The following ATP9A variants were observed in gnomAD, a reference collection of about 807,000 sequenced individuals.
The protein encoded by ATP9A is ATPase phospholipid transporting 9A, also known as probable phospholipid-transporting ATPase IIA.
In ATP9A, 52 loss-of-function variants were observed where a neutral mutation model predicts 144.1. The ratio of observed to expected loss-of-function variants is 0.36; its 90% CI spans 0.29 to 0.45. The LOEUF (loss-of-function observed/expected upper bound fraction) is 0.45. Ranked by LOEUF, ATP9A falls within the 20% of genes least tolerant of loss-of-function variation. ATP9A has a pLI of 1.00. For missense variants in ATP9A, 947 were observed against 1,392.7 expected (o/e 0.68, Z 5.09); for synonymous variants, 582 against 557.4 (o/e 1.04, Z -0.62).
Position 51,638,071 on chromosome 20 carries a change from T to TTATATATATA in ATP9A, c.1668+1262_1668+1271dup, listed in dbSNP as rs56043552. 5.6e-3 allele frequency among the ~76,000 whole-genome samples: 190 copies of TTATATATATA among 33,988 alleles called. 6 individuals are homozygous for TTATATATATA. Among genetic ancestry groups the TTATATATATA allele is most frequent in the South Asian group, 9.7e-3 (7 of 720 alleles). The allele number at this position is 33,988 out of a possible 152,430, so 22.3% of individuals were successfully genotyped here. A position where few individuals can be genotyped will look rare whatever the true frequency, so the allele number is the denominator to read the frequency against. ...CATGGCTAAGTAGCATTTCATCATT[T>TTATATATATA]TATATATATATATATATATATATAT... is the stretch of plus-strand genomic sequence containing the variant. On this transcript the variant is annotated intron_variant, in intron 15 of 27. Coordinates refer to ENST00000338821, the MANE Select transcript of ATP9A (RefSeq NM_006045.3).
rs776548476 is a variant in ATP9A, at chr20:51,611,007, C to T, written c.2572-842G>A. ...AATCAGGCTTGAAGCTCTGTTAGCT[C>T]CATCTCTGGACCTCTATGGGCTAAC... On this transcript the variant is annotated intron_variant, in intron 23 of 27. Coordinates refer to ENST00000338821, the MANE Select transcript of ATP9A (RefSeq NM_006045.3). The surrounding 1 kb of genome is among the most constrained non-coding windows in gnomAD (Gnocchi z 4.2). 5.9e-5 allele frequency among the ~76,000 whole-genome samples: 9 copies of T among 152,152 alleles called. No individual in the cohort carries two copies. The highest frequency in any genetic ancestry group is 1.2e-4 in the Non-Finnish European group (8 of 68,030).
intron 1 of ATP9A, among the ~76,000 whole-genome samples, chr20:51,766,353 T>C (rs2077903646): frequency 6.6e-6 from 1 of 152,224 alleles, no homozygotes; most frequent in Admixed American, 6.5e-5. Flanking sequence ...AGGTCTTCTT[T>C]AATTCATCCT....
At chr20:51,655,131 AAT>A (rs2077381827) in intron 14 of ATP9A, among the ~76,000 whole-genome samples, 1 of 152,214 alleles carries the variant, frequency 6.6e-6, no homozygotes, top group Non-Finnish European at 1.5e-5. Flanking sequence ...CAATTATGAG[AAT>A]AGTTAGGATA....
intron 3 of ATP9A, among the ~76,000 whole-genome samples, chr20:51,714,569 T>C (rs985888715): frequency 2.0e-5 from 3 of 152,210 alleles, no homozygotes; most frequent in South Asian, 4.1e-4. Flanking sequence ...GGTTTCACCA[T>C]GTTGGCCAGG....
intron 1 of ATP9A, among the ~76,000 whole-genome samples, chr20:51,763,729 T>G (rs190295401): frequency 1.6e-4 from 25 of 152,294 alleles, no homozygotes; most frequent in Non-Finnish European, 2.6e-4. Flanking sequence ...TGATTCATAT[T>G]CAAAACTTCC....
At chr20:51,678,948 A>C (rs1427431965) in intron 9 of ATP9A, among the ~76,000 whole-genome samples, 2 of 152,126 alleles carry the variant, frequency 1.3e-5, no homozygotes, top group Non-Finnish European at 2.9e-5. Context: ...CACACACCGG[A>C]TGCGCCTTGG....
At chr20:51,622,270 G>T in intron 18 of ATP9A, 98 bp from the exon 19 acceptor site, 1 of 969,336 alleles carries the variant, frequency 1.0e-6, no homozygotes, top group Non-Finnish European at 1.6e-6. Flanking sequence ...GCTGAACTTG[G>T]TATGTTCCGT....
intron 1 of ATP9A, among the ~76,000 whole-genome samples, chr20:51,761,367 C>T (rs1010595666): frequency 6.6e-5 from 10 of 152,200 alleles, no homozygotes; most frequent in African/African-American, 2.4e-4. Context: ...GTCTAGATTC[C>T]AGTCCCCTTT....
intron 3 of ATP9A, among the ~76,000 whole-genome samples, chr20:51,719,389 A>C (rs1406405579): frequency 6.6e-6 from 1 of 152,162 alleles, no homozygotes; most frequent in Non-Finnish European, 1.5e-5. Flanking sequence ...AAAAATACTA[A>C]AAATTTTTAA....
At chr20:51,696,497 G>C (rs2077571242) in intron 5 of ATP9A, among the ~76,000 whole-genome samples, 1 of 152,158 alleles carries the variant, frequency 6.6e-6, no homozygotes, top group Non-Finnish European at 1.5e-5. Flanking sequence ...ACTCAAGACA[G>C]ACCCTCCTCT....
At chr20:51,637,942 T>C (rs373395013) in intron 15 of ATP9A, among the ~76,000 whole-genome samples, 11 of 150,664 alleles carry the variant, frequency 7.3e-5, no homozygotes, top group African/African-American at 2.7e-4. Context: ...CTCTTATGAG[T>C]GAGAACATAC....
intron 1 of ATP9A, chr20:51,734,694 G>C (rs1282211393): frequency 6.1e-6 from 1 of 165,242 alleles, no homozygotes; most frequent in Non-Finnish European, 1.3e-5. Flanking sequence ...ACAAAGATAT[G>C]ACTTTCTTAA....
chr20:51,766,282 G>C (rs1391901725), intron 1 of ATP9A, among the ~76,000 whole-genome samples: 2 of 152,188 alleles, frequency 1.3e-5, no homozygotes, highest in Non-Finnish European at 2.9e-5. Context: ...GAAAAGGCTA[G>C]TTAAGTTTCC....
intron 1 of ATP9A, among the ~76,000 whole-genome samples, chr20:51,762,383 C>G (rs2077884562): frequency 6.6e-6 from 1 of 152,008 alleles, no homozygotes; most frequent in Non-Finnish European, 1.5e-5. Context: ...GTAGTCCCAG[C>G]TACTCCGGAG....
chr20:51,685,455 G>A (rs551162602), intron 9 of ATP9A, among the ~76,000 whole-genome samples: 5 of 151,966 alleles, frequency 3.3e-5, no homozygotes, highest in Admixed American at 6.6e-5. Context: ...CCAGCTACTC[G>A]GGAGGCTGAG....
intron 4 of ATP9A, among the ~76,000 whole-genome samples, chr20:51,701,817 G>A (rs542761751): frequency 3.6e-4 from 55 of 152,310 alleles, no homozygotes; most frequent in African/African-American, 1.3e-3. Flanking sequence ...AGCTACTGCA[G>A]AGTGCTGTCA....
intron 13 of ATP9A, among the ~76,000 whole-genome samples, chr20:51,668,129 T>TGGGGGGGG (rs2077441241): frequency 1.4e-3 from 1 of 700 alleles, no homozygotes; most frequent in Admixed American, 0.031. Flanking sequence ...GGCGAGGGGC[T>TGGGGGGGG]GGGGGAGGGG....
rs8124014 is a variant in ATP9A, at chr20:51,726,155, C to A, written c.214-223G>T. On this transcript the variant is annotated intron_variant, in intron 2 of 27. Coordinates refer to ENST00000338821, the MANE Select transcript of ATP9A (RefSeq NM_006045.3). ...TGGCGAAACCCTGTCTCTACTAAAA[C>A]TACAAAAATTAGCCAGGCGTGGTGG... 0.068 allele frequency among the ~76,000 whole-genome samples: 10,261 copies of A among 151,422 alleles called. 794 individuals carry two copies. The highest frequency in any genetic ancestry group is 0.19 in the African/African-American group (7,791 of 41,270).
At chr20:51,719,731 C>CA (rs11483274) in intron 3 of ATP9A, among the ~76,000 whole-genome samples, 2,994 of 55,190 alleles carry the variant, frequency 0.054, 65 homozygotes, top group Middle Eastern at 0.087. Flanking sequence ...GACTCTGTCT[C>CA]AAAAAAAAAA....
Sources: allele counts gnomAD v4.1 joint callset (sites outside exome capture counted in the v4.1 genomes callset), GRCh38; gene constraint gnomAD v4.1.1; non-coding constraint Gnocchi (gnomAD v3.1); transcripts MANE v1.5; gene names NCBI Gene and HGNC (gene_info 2026-07-23, HGNC 2026-07-21).